COL22A1: variants seen among roughly 807,000 people sequenced by gnomAD.
COL22A1 encodes the protein collagen type XXII alpha 1 chain, also known as collagen alpha-1(XXII) chain.
Under a neutral mutation model 248.9 loss-of-function variants are expected in COL22A1, and 221 were observed. The ratio of observed to expected loss-of-function variants is 0.89; its 90% CI spans 0.80 to 0.99. COL22A1 has a LOEUF of 0.99. Ranked by LOEUF, COL22A1 falls within the 50% of genes least tolerant of loss-of-function variation. COL22A1 has a pLI of 0.00. For missense variants in COL22A1, 2,240 were observed against 2,179.0 expected (o/e 1.03, Z -0.56); for synonymous variants, 891 against 793.4 (o/e 1.12, Z -2.07).
rs549138650 is a variant in COL22A1 at position 138,877,877 on chromosome 8, C to T, written c.531G>A (p.Val177=). 27 of 1,612,914 alleles carry T rather than the reference C, an allele frequency of 1.7e-5. 1 individual carries two copies. In the South Asian group the frequency reaches 2.3e-4, roughly 14 times the overall value. Residue 177 remains valine (V), a synonymous_variant, in exon 3 of 65, where the codon GTG becomes GTA. Transcript: ENST00000303045. The part of the protein sequence containing the change: ...RAGIRIFAVG[V]GEALKEELEE... ...CCAGCTCCTCCTTGAGTGCCTCGCC[C>T]ACGCCCACGGCAAAGATGCGGATGC...
At chr8:138,646,438 C>G (rs1001060182) in intron 47 of COL22A1, among the ~76,000 whole-genome samples, 191 bp downstream of exon 47, 6 of 152,170 alleles carry the variant, frequency 3.9e-5, no homozygotes, top group Non-Finnish European at 8.8e-5. Flanking sequence ...AAATGAGCAA[C>G]TGGGATTCCA....
intron 4 of COL22A1, 52 bp from the exon 5 acceptor site, chr8:138,833,202 G>C: frequency 2.3e-6 from 3 of 1,326,000 alleles, no homozygotes; most frequent in Non-Finnish European, 3.3e-6. Context: ...GAGTATAAGA[G>C]ACAAAGGAAA....
chr8:138,693,929 G>A (rs1373259460), intron 34 of COL22A1, among the ~76,000 whole-genome samples: 1 of 152,066 alleles, frequency 6.6e-6, no homozygotes, highest in African/African-American at 2.4e-5. Context: ...AGGGTATAGG[G>A]GTCAGCACCG....
At chr8:138,900,681 G>A (rs906984915) in intron 1 of COL22A1, among the ~76,000 whole-genome samples, 6 of 152,112 alleles carry the variant, frequency 3.9e-5, no homozygotes, top group Non-Finnish European at 7.4e-5. Flanking sequence ...TAAAGCCATC[G>A]CCCACTCTTT....
At chr8:138,693,750 G>A (rs373974565) in intron 34 of COL22A1, 51 bp from the exon 35 acceptor site, 9 of 1,537,156 alleles carry the variant, frequency 5.9e-6, no homozygotes, top group East Asian at 2.4e-5. Context: ...CAGTGATGCT[G>A]TTTCCCCTCA....
chr8:138,627,578 T>C (rs1238974184), intron 50 of COL22A1, among the ~76,000 whole-genome samples: 1 of 152,188 alleles, frequency 6.6e-6, no homozygotes, highest in African/African-American at 2.4e-5. Flanking sequence ...TAGACTTTTA[T>C]TTATTTAGAA....
chr8:138,606,721 T>C (rs1014793847), intron 57 of COL22A1, among the ~76,000 whole-genome samples: 4 of 152,108 alleles, frequency 2.6e-5, no homozygotes, highest in Non-Finnish European at 5.9e-5. Flanking sequence ...CTGAGACAGA[T>C]ATTTAACAAA....
chr8:138,730,544 T>A (rs1830636845), intron 23 of COL22A1, among the ~76,000 whole-genome samples: 1 of 152,164 alleles, frequency 6.6e-6, no homozygotes, highest in African/African-American at 2.4e-5. Context: ...GAAGGCAGGG[T>A]TATATTTTGA....
At chr8:138,670,421 G>A (rs977034967) in intron 41 of COL22A1, among the ~76,000 whole-genome samples, 6 of 152,128 alleles carry the variant, frequency 3.9e-5, no homozygotes, top group African/African-American at 7.2e-5. Flanking sequence ...GGGCAAGGCC[G>A]GGAGCTGGGG....
At chr8:138,657,059 A>G (rs1823330836) in intron 44 of COL22A1, among the ~76,000 whole-genome samples, 1 of 152,148 alleles carries the variant, frequency 6.6e-6, no homozygotes, top group African/African-American at 2.4e-5. Flanking sequence ...GTGTGTTGAT[A>G]AGCTCAGAAA....
intron 15 of COL22A1, chr8:138,778,047 C>A (rs911225171): frequency 2.2e-6 from 1 of 459,132 alleles, no homozygotes; most frequent in Non-Finnish European, 4.0e-6. Context: ...AAAATGAATT[C>A]TTTAGATCAA....
chr8:138,862,773 TTTTC>T (rs1182849619), intron 3 of COL22A1, among the ~76,000 whole-genome samples: 3 of 151,766 alleles, frequency 2.0e-5, no homozygotes, highest in East Asian at 3.9e-4. Context: ...TTTTTTTTTT[TTTTC>T]ATGTTTTCAG....
At chr8:138,645,922 C>G (rs771926529) in intron 47 of COL22A1, among the ~76,000 whole-genome samples, 9 of 152,150 alleles carry the variant, frequency 5.9e-5, no homozygotes, top group Non-Finnish European at 1.2e-4. Flanking sequence ...CTGGGGAGCA[C>G]CAATGACAGC....
At chr8:138,600,481 AG>A (rs1228534122) in intron 60 of COL22A1, among the ~76,000 whole-genome samples, 1 of 152,142 alleles carries the variant, frequency 6.6e-6, no homozygotes, top group South Asian at 2.1e-4. Flanking sequence ...CAGAGTGGGG[AG>A]GGGGTTAAAT....
chr8:138,680,007 G>A (rs529366381), intron 39 of COL22A1, among the ~76,000 whole-genome samples: 20 of 152,324 alleles, frequency 1.3e-4, no homozygotes, highest in Non-Finnish European at 2.2e-4. Flanking sequence ...GTGTGGCTCC[G>A]TTTGTCTGTT....
At chr8:138,699,627 T>C (rs1212792647) in intron 32 of COL22A1, among the ~76,000 whole-genome samples, 1 of 40,836 alleles carries the variant, frequency 2.4e-5, no homozygotes, top group Non-Finnish European at 6.3e-5. Context: ...AGCATCACTC[T>C]CTGTCCATCG....
intron 7 of COL22A1, among the ~76,000 whole-genome samples, chr8:138,820,886 T>C (rs963431795): frequency 5.3e-5 from 8 of 152,224 alleles, no homozygotes; most frequent in African/African-American, 1.4e-4. Context: ...ACATAGTAGG[T>C]GCTCAATGTA....
chr8:138,757,173 C>G lies in COL22A1; in HGVS notation c.1903-1344G>C, dbSNP rs143675027. On this transcript the variant is annotated intron_variant, in intron 18 of 64. Coordinates refer to ENST00000303045, the MANE Select transcript of COL22A1 (RefSeq NM_152888.3). ...AGATCTCCATACACTCAGATCCCAG[C>G]GCGGATATCAAGTCACTTCTTCACG... is the stretch of plus-strand genomic sequence containing the variant. Among the ~76,000 whole-genome samples, 13 of 152,250 alleles carry G rather than the reference C, an allele frequency of 8.5e-5. No homozygotes were observed. The South Asian group carries it at 1.5e-3, about 17-fold the overall frequency.
chr8:138,657,716 G>A (rs1240693907), intron 44 of COL22A1, among the ~76,000 whole-genome samples: 7 of 152,102 alleles, frequency 4.6e-5, no homozygotes, highest in Non-Finnish European at 8.8e-5. Flanking sequence ...TGGGCCCAAT[G>A]GGCTCAGAGA....
Sources: allele counts gnomAD v4.1 joint callset (sites outside exome capture counted in the v4.1 genomes callset), GRCh38; gene constraint gnomAD v4.1.1; transcripts MANE v1.5; gene names NCBI Gene and HGNC (gene_info 2026-07-23, HGNC 2026-07-21).